ERO1B: variants seen among roughly 807,000 people sequenced by gnomAD.
ERO1B encodes endoplasmic reticulum oxidoreductase 1 beta, also known as ERO1-like protein beta.
A neutral mutation model predicts 75.3 loss-of-function variants in ERO1B; 49 were observed. The ratio of observed to expected loss-of-function variants is 0.65; its 90% CI spans 0.52 to 0.83. The LOEUF (loss-of-function observed/expected upper bound fraction) is 0.83, where lower values mean the gene tolerates loss of function less well. Among genes scored for constraint, ERO1B ranks in the 40% least tolerant of loss-of-function variants. ERO1B has a pLI of 0.00. For synonymous variants in ERO1B, 191 were observed against 192.9 expected (o/e 0.99, Z 0.08); for missense variants, 512 against 560.1 (o/e 0.91, Z 0.87).
In ERO1B at chr1:236,268,427, G is replaced by A. The variant is rs188150590; in HGVS notation, c.222+1448C>T. 2.4e-4 allele frequency among the ~76,000 whole-genome samples: 37 copies of A among 151,744 alleles called. No homozygotes were observed. The East Asian group carries it at 4.5e-3, about 18-fold the overall frequency. ...TGCACTCCAGTCTGGGCGACAGAGC[G>A]AGACCCTGTCTAAAAAAAAACAAAA... On this transcript the variant is annotated intron_variant, in intron 2 of 15. Coordinates refer to ENST00000354619, the MANE Select transcript of ERO1B (RefSeq NM_019891.4).
chr1:236,238,187 C>T (rs1664590351), intron 6 of ERO1B, among the ~76,000 whole-genome samples: 1 of 152,082 alleles, frequency 6.6e-6, no homozygotes. Flanking sequence ...CATGATTTTG[C>T]AGACTATAAG....
intron 5 of ERO1B, among the ~76,000 whole-genome samples, chr1:236,245,123 C>T (rs540149955): frequency 2.0e-4 from 30 of 150,608 alleles, no homozygotes; most frequent in South Asian, 4.2e-4. Flanking sequence ...CCAAGTAGCT[C>T]GAACTATAGA....
Position 236,218,562 on chromosome 1 carries a change from A to C in ERO1B, c.1358T>G (p.Ile453Arg). ...GACTTTAAAATTCTGTAAGTCTCTT[A>C]TACTTGTAGAAAGCCTATGGAAGAA... Reference protein sequence around the residue: ...LNAFGRLSTSIRDLQNFKVLL... With the variant: ...LNAFGRLSTSRRDLQNFKVLL... The change falls in exon 16 of 16, where the codon ATA (isoleucine) becomes AGA (arginine). Residue 453 changes from isoleucine to arginine, a missense_variant. Transcript: ENST00000354619. 7.2e-7 allele frequency: 1 copy of C among 1,389,430 alleles called. No individual in the cohort carries two copies. The highest frequency in any genetic ancestry group is 9.5e-7 in the Non-Finnish European group (1 of 1,058,114). The allele number at this position is 1,389,430 out of a possible 1,614,324, so 86.1% of individuals were successfully genotyped here.
chr1:236,226,387 G>T lies in ERO1B; in HGVS notation c.934C>A (p.Arg312=). 6.2e-7 allele frequency: 1 copy of T among 1,614,060 alleles called. No homozygotes were observed. Among genetic ancestry groups the T allele is most frequent in the African/African-American group, 1.3e-5 (1 of 75,010 alleles). ...NLYFLYLIEL[R]ALSKVAPYFE... is the part of the protein sequence containing the mutation. ...TATGGAGCCACCTTTGACAAAGCTC[G>T]AAGCTCAATCAAGTATAAAAAGTAA... The change falls in exon 12 of 16, where the codon CGA becomes AGA. Residue 312 remains arginine, a synonymous_variant. Transcript: ENST00000354619.
chr1:236,271,097 A>T (rs1302789175), intron 1 of ERO1B, among the ~76,000 whole-genome samples: 1 of 152,230 alleles, frequency 6.6e-6, no homozygotes, highest in African/African-American at 2.4e-5. Context: ...TCCCAATTAT[A>T]ACACTGTACT....
At chr1:236,252,267 C>T (rs748106556) in intron 3 of ERO1B, among the ~76,000 whole-genome samples, 176 bp from the exon 4 acceptor site, 1 of 151,940 alleles carries the variant, frequency 6.6e-6, no homozygotes, top group Non-Finnish European at 1.5e-5. Flanking sequence ...AAGTGTTATC[C>T]CAATATACAG....
Position 236,281,746 on chromosome 1 carries a change from C to G in ERO1B, c.38G>C (p.Gly13Ala). 6.6e-7 allele frequency: 1 copy of G among 1,516,870 alleles called. No homozygotes were observed. Among genetic ancestry groups the G allele is most frequent in the Non-Finnish European group, 8.8e-7 (1 of 1,135,784 alleles). The allele number at this position is 1,516,870 out of a possible 1,614,324, so 94.0% of individuals were successfully genotyped here. A position where few individuals can be genotyped will look rare whatever the true frequency, so the allele number is the denominator to read the frequency against. ...QGVRRAGAGQ[G>A]VAAAVQLLVT... ...CAGCAGCTGCACCGCGGCCGCTACC[C>G]CCTGCCCAGCGCCTGCCCGGCGGAC... The change falls in exon 1 of 16, where the codon GGG (glycine) becomes GCG (alanine). Residue 13 changes from glycine to alanine, a missense_variant. Physicochemically the swap from Gly to Ala is moderately conservative, Grantham distance 60. Coordinates refer to ENST00000354619, the MANE Select transcript of ERO1B (RefSeq NM_019891.4).
At chr1:236,239,089 T>C (rs922714735) in intron 6 of ERO1B, among the ~76,000 whole-genome samples, 9 of 152,182 alleles carry the variant, frequency 5.9e-5, no homozygotes, top group Non-Finnish European at 7.3e-5. Flanking sequence ...CACAGCTCAA[T>C]TACATCAGGT....
chr1:236,251,832 C>G lies in ERO1B; in HGVS notation c.348+218G>C, dbSNP rs142200704. ...ACTATAGTTACATTTAATAGTTGTT[C>G]CAGAGATTCCAAAAACAGTACTGAA... On this transcript the variant is annotated intron_variant, in intron 4 of 15. Transcript: ENST00000354619. 3.0e-3 allele frequency among the ~76,000 whole-genome samples: 464 copies of G among 152,172 alleles called. 2 individuals are homozygous for G. The highest frequency in any genetic ancestry group is 0.01 in the African/African-American group (434 of 41,528).
At chr1:236,271,456 CT>C (rs1665586308) in intron 1 of ERO1B, among the ~76,000 whole-genome samples, 2 of 152,146 alleles carry the variant, frequency 1.3e-5, no homozygotes, top group Non-Finnish European at 2.9e-5. Context: ...TGCTGTCCGA[CT>C]CACTAGGATC....
intron 1 of ERO1B, 173 bp downstream of exon 1, chr1:236,281,509 T>G: frequency 4.8e-6 from 2 of 420,344 alleles, no homozygotes; most frequent in Non-Finnish European, 8.1e-6. Flanking sequence ...GGTTCGCAGA[T>G]GTTTCCCGCA....
intron 2 of ERO1B, among the ~76,000 whole-genome samples, chr1:236,265,169 C>A (rs964660238): frequency 7.2e-5 from 11 of 151,726 alleles, no homozygotes; most frequent in Admixed American, 6.6e-4. Flanking sequence ...TGGTTCCTGA[C>A]CTAAGTGAGA....
intron 5 of ERO1B, among the ~76,000 whole-genome samples, chr1:236,245,407 T>C (rs12032607): frequency 4.2e-4 from 20 of 47,502 alleles, no homozygotes; most frequent in African/African-American, 1.6e-3. Flanking sequence ...CGTATATATA[T>C]ACACACGTAT....
Position 236,215,396 on chromosome 1 carries a change from AG to A in ERO1B, c.*3119del, listed in dbSNP as rs1188040687. 6.6e-6 allele frequency among the ~76,000 whole-genome samples: 1 copy of A among 152,194 alleles called. No homozygotes were observed. The highest frequency in any genetic ancestry group is 1.5e-5 in the Non-Finnish European group (1 of 68,016). On this transcript the variant is annotated 3_prime_UTR_variant, in exon 16 of 16. Coordinates refer to ENST00000354619, the MANE Select transcript of ERO1B (RefSeq NM_019891.4). ...TTTAAAGCCAAACTATGCATGTAAA[AG>A]CCCTTAATACAATGCCAGCCAATGC...
chr1:236,230,396 G>A (rs552858759), intron 9 of ERO1B, 146 bp from the exon 10 acceptor site: 187 of 595,806 alleles, frequency 3.1e-4, no homozygotes, highest in Non-Finnish European at 4.4e-4. Context: ...CTGATCACTT[G>A]AGGCCAGGAG....
In ERO1B at chr1:236,215,292, C is replaced by G. The variant is rs1292363110; in HGVS notation, c.*3224G>C. On this transcript the variant is annotated 3_prime_UTR_variant, in exon 16 of 16. Transcript: ENST00000354619. ...GACAGGTTACTTAGCCTTTTTTATC[C>G]TCAGTCTTCTTACTTATAAAACAGA... Among the ~76,000 whole-genome samples, 1 of 152,134 alleles carries G rather than the reference C, an allele frequency of 6.6e-6. No homozygotes were observed. Among genetic ancestry groups the G allele is most frequent in the Non-Finnish European group, 1.5e-5 (1 of 68,024 alleles).
intron 8 of ERO1B, among the ~76,000 whole-genome samples, chr1:236,233,764 G>T (rs2102944701): frequency 6.6e-6 from 1 of 152,140 alleles, no homozygotes; most frequent in East Asian, 1.9e-4. Context: ...TTCCAACCTG[G>T]AATATTTTTC....
chr1:236,280,737 G>A (rs1057098952), intron 1 of ERO1B, among the ~76,000 whole-genome samples: 1 of 152,182 alleles, frequency 6.6e-6, no homozygotes, highest in African/African-American at 2.4e-5. Context: ...TTTCTTGGAT[G>A]AGCACTAATT....
At chr1:236,268,536 G>A (rs935789170) in intron 2 of ERO1B, among the ~76,000 whole-genome samples, 2 of 152,144 alleles carry the variant, frequency 1.3e-5, no homozygotes, top group Admixed American at 1.3e-4. Flanking sequence ...TAGATCACTT[G>A]AAGCCAGGAA....
Sources: allele counts gnomAD v4.1 joint callset (sites outside exome capture counted in the v4.1 genomes callset), GRCh38; gene constraint gnomAD v4.1.1; transcripts MANE v1.5; gene names NCBI Gene and HGNC (gene_info 2026-07-23, HGNC 2026-07-21).